The following GIPC2 variants were observed in gnomAD, a reference collection of about 807,000 sequenced individuals.
GIPC2 encodes the protein PDZ domain-containing protein GIPC2.
Under a neutral mutation model 30.6 loss-of-function variants are expected in GIPC2, and 30 were observed. The ratio of observed to expected loss-of-function variants is 0.98; its 90% CI spans 0.73 to 1.33. The LOEUF (loss-of-function observed/expected upper bound fraction) is 1.33. GIPC2 is among the 40% of genes most tolerant of loss of function. GIPC2 has a pLI of 0.00. For synonymous variants in GIPC2, 167 were observed against 150.0 expected (o/e 1.11, Z -0.83); for missense variants, 414 against 390.3 (o/e 1.06, Z -0.51).
At chr1:78,123,093 C>G (rs910149832) in intron 4 of GIPC2, among the ~76,000 whole-genome samples, 7 of 151,890 alleles carry the variant, frequency 4.6e-5, no homozygotes, top group Non-Finnish European at 8.8e-5. Context: ...AACCCCATCT[C>G]TACTAAAAAC....
chr1:78,082,129 A>G (rs1348074783), intron 2 of GIPC2, among the ~76,000 whole-genome samples: 2 of 152,102 alleles, frequency 1.3e-5, no homozygotes, highest in Non-Finnish European at 2.9e-5. Context: ...GATAGGTACT[A>G]TTTCCAACCT....
At chr1:78,049,647 T>G (rs571179589) in intron 1 of GIPC2, among the ~76,000 whole-genome samples, 1 of 152,308 alleles carries the variant, frequency 6.6e-6, no homozygotes, top group Non-Finnish European at 1.5e-5. Context: ...GTGGAGCAGA[T>G]AATCAGGGCC....
At chr1:78,129,702 C>T (rs1571531299) in intron 5 of GIPC2, among the ~76,000 whole-genome samples, 1 of 152,126 alleles carries the variant, frequency 6.6e-6, no homozygotes, top group Non-Finnish European at 1.5e-5. Flanking sequence ...AAAAATTAAG[C>T]GTTCTAAAAG....
chr1:78,050,419 G>A (rs867007389), intron 1 of GIPC2, among the ~76,000 whole-genome samples: 1 of 152,114 alleles, frequency 6.6e-6, no homozygotes, highest in African/African-American at 2.4e-5. Flanking sequence ...ATAAGCTAAT[G>A]AAGGCTGTGA....
intron 1 of GIPC2, among the ~76,000 whole-genome samples, chr1:78,058,693 T>C (rs1329841713): frequency 6.6e-6 from 1 of 152,252 alleles, no homozygotes; most frequent in Non-Finnish European, 1.5e-5. Context: ...TATTAATGGC[T>C]TTGAGAAGTC....
At chr1:78,063,763 A>G (rs539903770) in intron 1 of GIPC2, among the ~76,000 whole-genome samples, 1 of 150,858 alleles carries the variant, frequency 6.6e-6, no homozygotes, top group East Asian at 2.0e-4. Context: ...GCATGCCTGT[A>G]TTTCCAGCTA....
intron 1 of GIPC2, among the ~76,000 whole-genome samples, chr1:78,070,312 TG>T (rs1661593687): frequency 6.6e-6 from 1 of 152,204 alleles, no homozygotes; most frequent in African/African-American, 2.4e-5. Context: ...TCTCTTTGCC[TG>T]TTTAGAATCT....
At chr1:78,082,400 C>T (rs565056828) in intron 2 of GIPC2, among the ~76,000 whole-genome samples, 12 of 152,274 alleles carry the variant, frequency 7.9e-5, no homozygotes, top group East Asian at 3.9e-4. Context: ...ATGGGACTTT[C>T]GCTACCCACT....
chr1:78,049,931 C>G (rs1490774557), intron 1 of GIPC2, among the ~76,000 whole-genome samples: 6 of 141,364 alleles, frequency 4.2e-5, no homozygotes, highest in Non-Finnish European at 7.6e-5. Flanking sequence ...GAGTCTAGCT[C>G]TGTCGCCCAG....
intron 4 of GIPC2, among the ~76,000 whole-genome samples, chr1:78,122,816 G>T (rs781731003): frequency 5.9e-5 from 9 of 152,102 alleles, no homozygotes; most frequent in Admixed American, 1.3e-4. Context: ...ATACAAAGAA[G>T]AATAAAAACC....
Position 78,135,797 on chromosome 1 carries a change from T to G in GIPC2, c.*54T>G, listed in dbSNP as rs1662992251. 2 of 1,472,368 alleles carry G rather than the reference T, an allele frequency of 1.4e-6. No individual in the cohort carries two copies. The highest frequency in any genetic ancestry group is 2.5e-5 in the South Asian group (2 of 80,240). The allele number at this position is 1,472,368 out of a possible 1,614,324, so 91.2% of individuals were successfully genotyped here. On this transcript the variant is annotated 3_prime_UTR_variant, in exon 6 of 6. Coordinates refer to ENST00000370759, the MANE Select transcript of GIPC2 (RefSeq NM_017655.6). ...CCCATCGTTCTTTTTTTTCTCTTTT[T>G]TAAAAAGTCCTATAAGATCTGTTTT...
rs71590709 is a variant in GIPC2, at chr1:78,100,941, T to TACACAC, written c.607+5845_607+5850dup. 6.6e-3 allele frequency among the ~76,000 whole-genome samples: 755 copies of TACACAC among 114,868 alleles called. 6 individuals carry two copies. The highest frequency in any genetic ancestry group is 0.017 in the East Asian group (80 of 4,746). The allele number at this position is 114,868 out of a possible 152,430, so 75.4% of individuals were successfully genotyped here. ...TGAGACCCTGTCAAAAAAAAAAAAA[T>TACACAC]ACACACACACACACACACACACACA... On this transcript the variant is annotated intron_variant, in intron 3 of 5. Transcript: ENST00000370759.
rs114457703 is a variant in GIPC2 at position 78,123,373 on chromosome 1, G to C, written c.715-2508G>C. On this transcript the variant is annotated intron_variant, in intron 4 of 5. Coordinates refer to ENST00000370759, the MANE Select transcript of GIPC2 (RefSeq NM_017655.6). ...GGCATGGAACAATAATGGGTTTTGG[G>C]GACCTGTAAGCTGTTCATGAGATTG... is the stretch of plus-strand genomic sequence containing the variant. 9.2e-3 allele frequency among the ~76,000 whole-genome samples: 1,397 copies of C among 152,092 alleles called. 10 individuals are homozygous for C. The highest frequency in any genetic ancestry group is 0.016 in the Non-Finnish European group (1,071 of 68,002).
rs147122468 is a variant in GIPC2, at chr1:78,084,410, C to A, written c.426+3550C>A. ...CCTGTAATTCCAGCTACTTGGGAGG[C>A]CAAGACAGGAGAATCACTTGAGCCT... On this transcript the variant is annotated intron_variant, in intron 2 of 5. Coordinates refer to ENST00000370759, the MANE Select transcript of GIPC2 (RefSeq NM_017655.6). Among the ~76,000 whole-genome samples the A allele has an allele frequency of 5.2e-3, 789 of 151,478 alleles. 9 individuals are homozygous for A. Among genetic ancestry groups the A allele is most frequent in the African/African-American group, 0.018 (751 of 41,262 alleles).
At chr1:78,119,067 G>A (rs1302912795) in intron 3 of GIPC2, among the ~76,000 whole-genome samples, 1 of 150,164 alleles carries the variant, frequency 6.7e-6, no homozygotes, top group Non-Finnish European at 1.5e-5. Flanking sequence ...CTTTTTTTGT[G>A]ACTTTGATGA....
At chr1:78,065,130 A>T (rs768171395) in intron 1 of GIPC2, among the ~76,000 whole-genome samples, 8 of 151,982 alleles carry the variant, frequency 5.3e-5, no homozygotes, top group Non-Finnish European at 8.8e-5. Context: ...AAGCCACCAC[A>T]CCCAGCTAAT....
At chr1:78,082,157 A>G (rs952535098) in intron 2 of GIPC2, among the ~76,000 whole-genome samples, 16 of 152,320 alleles carry the variant, frequency 1.1e-4, no homozygotes, top group African/African-American at 3.8e-4. Context: ...CAGATGTGGA[A>G]ACAGGCTCAG....
At chr1:78,058,463 T>G (rs1452333126) in intron 1 of GIPC2, among the ~76,000 whole-genome samples, 1 of 152,142 alleles carries the variant, frequency 6.6e-6, no homozygotes, top group South Asian at 2.1e-4. Context: ...AGAGCGCTTA[T>G]TAGGAGTTCA....
intron 5 of GIPC2, among the ~76,000 whole-genome samples, chr1:78,133,316 C>A (rs931961865): frequency 1.3e-5 from 2 of 152,090 alleles, no homozygotes; most frequent in African/African-American, 4.8e-5. Flanking sequence ...AGTCTAAGAC[C>A]TTTTTATTGA....
Sources: allele counts gnomAD v4.1 joint callset (sites outside exome capture counted in the v4.1 genomes callset), GRCh38; gene constraint gnomAD v4.1.1; transcripts MANE v1.5; gene names NCBI Gene and HGNC (gene_info 2026-07-23, HGNC 2026-07-21).